Variants in LGSN observed in about 807,000 individuals in gnomAD.
The protein encoded by LGSN is lengsin, lens protein with glutamine synthetase domain.
In LGSN, 21 loss-of-function variants were observed where a neutral mutation model predicts 19.5. The ratio of observed to expected loss-of-function variants is 1.07; its 90% CI spans 0.76 to 1.55. The LOEUF is 1.55. Ranked by LOEUF, LGSN falls within the 40% of genes most tolerant of loss-of-function variation. The probability of loss-of-function intolerance (pLI) is 0.00; values close to 1 mark genes in which losing one functional copy is unlikely to be tolerated. For missense variants in LGSN, 673 were observed against 608.5 expected, an observed-to-expected ratio of 1.11 and a Z score of -1.12; for synonymous variants, 257 against 215.6, an observed-to-expected ratio of 1.19 and a Z score of -1.68.
chr6:63,511,891 T>C, the LGSN span, among the ~76,000 whole-genome samples: 2 of 152,176 alleles, frequency 1.3e-5, no homozygotes, highest in East Asian at 1.9e-4. Context: ...ATACTATTTA[T>C]GATGTTCTTG....
the LGSN span, among the ~76,000 whole-genome samples, chr6:63,450,883 A>T: frequency 2.0e-5 from 3 of 152,054 alleles, no homozygotes; most frequent in Admixed American, 6.6e-5. Context: ...CATGTTGCCC[A>T]GGCTGGTCTC....
At chr6:63,338,919 T>C in the LGSN span, among the ~76,000 whole-genome samples, 1 of 152,232 alleles carries the variant, frequency 6.6e-6, no homozygotes, top group South Asian at 2.1e-4. Flanking sequence ...AATGTCTTCA[T>C]AGACCCAATT....
At chr6:63,363,738 A>G in the LGSN span, among the ~76,000 whole-genome samples, 1 of 152,228 alleles carries the variant, frequency 6.6e-6, no homozygotes, top group African/African-American at 2.4e-5. Flanking sequence ...TGTACCTGAA[A>G]GTGATGGGGA....
chr6:63,461,366 T>C, the LGSN span, among the ~76,000 whole-genome samples: 18 of 152,318 alleles, frequency 1.2e-4, no homozygotes, highest in African/African-American at 4.1e-4. Context: ...CTGTGCTCTT[T>C]TGGTTTTCTC....
chr6:63,571,365 C>T, the LGSN span: 1 of 152,176 alleles, frequency 6.6e-6, no homozygotes, highest in Non-Finnish European at 1.5e-5. Context: ...TAGTGGAAAA[C>T]TGAGTTCTTA....
At chr6:63,478,321 C>T in the LGSN span, among the ~76,000 whole-genome samples, 1 of 152,102 alleles carries the variant, frequency 6.6e-6, no homozygotes, top group African/African-American at 2.4e-5. Context: ...TCCACAGTGA[C>T]AGAAAGTACG....
the LGSN span, among the ~76,000 whole-genome samples, chr6:63,362,382 C>T: frequency 6.8e-6 from 1 of 146,834 alleles, no homozygotes; most frequent in Admixed American, 6.8e-5. Flanking sequence ...GTGCAGCCCA[C>T]AGAGCAGGGC....
At chr6:63,362,999 C>T in the LGSN span, among the ~76,000 whole-genome samples, 2 of 152,192 alleles carry the variant, frequency 1.3e-5, no homozygotes, top group Admixed American at 1.3e-4. Flanking sequence ...GACGAAGCTT[C>T]CAGAGGAAGG....
At chr6:63,572,834 G>A in the LGSN span, 2 of 395,426 alleles carry the variant, frequency 5.1e-6, no homozygotes, top group East Asian at 7.2e-5. Context: ...CCGGGTTGCG[G>A]TTCCGGTGGG....
chr6:63,334,869 T>A, the LGSN span, among the ~76,000 whole-genome samples: 1 of 152,102 alleles, frequency 6.6e-6, no homozygotes, highest in Non-Finnish European at 1.5e-5. Flanking sequence ...CTGGGCGCAG[T>A]GGCTCACATC....
At chr6:63,412,788 G>A in the LGSN span, among the ~76,000 whole-genome samples, 53 of 118,652 alleles carry the variant, frequency 4.5e-4, 2 homozygotes, top group Non-Finnish European at 7.4e-4. Context: ...AGGGAAGGAA[G>A]GAAAGAAAGG....
the LGSN span, among the ~76,000 whole-genome samples, chr6:63,480,834 A>C: frequency 6.6e-6 from 1 of 151,232 alleles, no homozygotes; most frequent in Non-Finnish European, 1.5e-5. Flanking sequence ...AAAAAAAAAA[A>C]AAAAACTTGC....
the LGSN span, among the ~76,000 whole-genome samples, chr6:63,342,549 C>A: frequency 4.6e-5 from 7 of 152,002 alleles, no homozygotes; most frequent in African/African-American, 1.7e-4. Context: ...AATATTAGAA[C>A]CATATTTTTT....
the LGSN span, among the ~76,000 whole-genome samples, chr6:63,497,279 T>C: frequency 6.6e-6 from 1 of 152,102 alleles, no homozygotes; most frequent in Non-Finnish European, 1.5e-5. Context: ...CTGAGTGCAG[T>C]AGCTCACTCC....
At chr6:63,513,417 AT>A in the LGSN span, among the ~76,000 whole-genome samples, 9,189 of 150,244 alleles carry the variant, frequency 0.061, 384 homozygotes, top group East Asian at 0.18. Flanking sequence ...TAAAATGGGG[AT>A]TTTTTTTTTT....
the LGSN span, among the ~76,000 whole-genome samples, chr6:63,560,203 T>A: frequency 1.3e-5 from 2 of 151,534 alleles, no homozygotes; most frequent in African/African-American, 4.8e-5. Context: ...CGGGATGTGG[T>A]GGCAAGCGCC....
At chr6:63,371,634 A>G in the LGSN span, among the ~76,000 whole-genome samples, 3 of 152,204 alleles carry the variant, frequency 2.0e-5, no homozygotes, top group Non-Finnish European at 4.4e-5. Flanking sequence ...GTTGTCACCA[A>G]CTTTTTTTCT....
chr6:63,486,682 CTT>C, the LGSN span, among the ~76,000 whole-genome samples: 7 of 115,848 alleles, frequency 6.0e-5, no homozygotes, highest in Middle Eastern at 4.6e-3. Flanking sequence ...TTATTTTCTT[CTT>C]TTTTTTTTTT....
the LGSN span, among the ~76,000 whole-genome samples, chr6:63,373,625 G>C: frequency 6.6e-6 from 1 of 152,084 alleles, no homozygotes; most frequent in Non-Finnish European, 1.5e-5. Context: ...AAAGAGACAA[G>C]ACAATTGAAT....
Sources: allele counts gnomAD v4.1 joint callset (sites outside exome capture counted in the v4.1 genomes callset), GRCh38; gene constraint gnomAD v4.1.1; transcripts MANE v1.5; gene names NCBI Gene and HGNC (gene_info 2026-07-23, HGNC 2026-07-21).